The following SLC44A1 variants were observed in gnomAD, a reference collection of about 807,000 sequenced individuals.
SLC44A1 encodes solute carrier family 44 member 1, also known as choline transporter-like protein 1.
A neutral mutation model predicts 79.3 loss-of-function variants in SLC44A1; 26 were observed. The observed-to-expected ratio is 0.33, with a 90% CI of 0.24 to 0.46. SLC44A1 has a LOEUF of 0.46. Among genes scored for constraint, SLC44A1 ranks in the 20% least tolerant of loss-of-function variants. SLC44A1 has a pLI of 1.00. For synonymous variants in SLC44A1, 263 were observed against 286.2 expected (o/e 0.92, Z 0.82); for missense variants, 688 against 798.1 (o/e 0.86, Z 1.66).
intron 12 of SLC44A1, among the ~76,000 whole-genome samples, chr9:105,371,291 G>T (rs1439657014): frequency 6.6e-6 from 1 of 152,190 alleles, no homozygotes; most frequent in South Asian, 2.1e-4. Context: ...CTCTGTGAGG[G>T]ACCAGAGAGT....
At chr9:105,373,432 A>G (rs1296494006) in intron 12 of SLC44A1, among the ~76,000 whole-genome samples, 1 of 152,224 alleles carries the variant, frequency 6.6e-6, no homozygotes, top group African/African-American at 2.4e-5. Flanking sequence ...AAAAAAAATC[A>G]GTCTGTGACT....
At chr9:105,354,039 CTTTTTTTTTTTTTTT>C (rs556502972) in intron 5 of SLC44A1, among the ~76,000 whole-genome samples, 7 of 98,484 alleles carry the variant, frequency 7.1e-5, no homozygotes, top group African/African-American at 1.0e-4. Context: ...ACAGTTAATC[CTTTTTTTTTTTTTTT>C]TTTTTTTTTT....
At chr9:105,418,319 A>G (rs973931315) in intron 15 of SLC44A1, among the ~76,000 whole-genome samples, 4 of 149,744 alleles carry the variant, frequency 2.7e-5, no homozygotes, top group Admixed American at 1.3e-4. Flanking sequence ...CGTCTCAAAA[A>G]AAAAAAAAAA....
At chr9:105,332,502 A>C (rs575782451) in intron 3 of SLC44A1, among the ~76,000 whole-genome samples, 9 of 152,334 alleles carry the variant, frequency 5.9e-5, no homozygotes, top group Non-Finnish European at 1.3e-4. Context: ...TATTTCTTGA[A>C]GATGTGTATT....
Position 105,393,684 on chromosome 9 carries a change from T to C in SLC44A1, c.*4628T>C. On this transcript the variant is annotated 3_prime_UTR_variant, in exon 16 of 16. Transcript: ENST00000374720. ...ATGTAAAGACAAATGATGATTCAGT[T>C]TCAATATTGCATGAACAATTGCCAC... is the stretch of plus-strand genomic sequence containing the variant. The C allele has an allele frequency of 2.0e-6, 2 of 984,654 alleles. No homozygotes were observed. Among genetic ancestry groups the C allele is most frequent in the Non-Finnish European group, 2.4e-6 (2 of 829,214 alleles). The allele number at this position is 984,654 out of a possible 1,614,324, so 61.0% of individuals were successfully genotyped here. A position where few individuals can be genotyped will look rare whatever the true frequency, so the allele number is the denominator to read the frequency against.
At chr9:105,373,348 GATGTT>G (rs895224475) in intron 12 of SLC44A1, among the ~76,000 whole-genome samples, 2 of 152,078 alleles carry the variant, frequency 1.3e-5, no homozygotes, top group African/African-American at 4.8e-5. Flanking sequence ...AAACATATTT[GATGTT>G]ATAATACTTT....
chr9:105,298,992 C>G (rs1771910125), intron 1 of SLC44A1, among the ~76,000 whole-genome samples: 1 of 152,102 alleles, frequency 6.6e-6, no homozygotes, highest in Non-Finnish European at 1.5e-5. Context: ...GAACTCAGTA[C>G]CGGGCCTGGC....
intron 1 of SLC44A1, among the ~76,000 whole-genome samples, chr9:105,277,698 A>G (rs1363179441): frequency 6.6e-6 from 1 of 152,250 alleles, no homozygotes; most frequent in East Asian, 1.9e-4. Context: ...CGGACCAACT[A>G]AAACTGAGGA....
chr9:105,252,801 A>G (rs779841013), intron 1 of SLC44A1, among the ~76,000 whole-genome samples: 11 of 152,228 alleles, frequency 7.2e-5, no homozygotes, highest in Non-Finnish European at 1.5e-4. Flanking sequence ...TGACACAGTA[A>G]TATTTCCTCC....
chr9:105,290,319 TATC>T (rs1830574502), intron 1 of SLC44A1, among the ~76,000 whole-genome samples: 2 of 152,170 alleles, frequency 1.3e-5, no homozygotes, highest in African/African-American at 4.8e-5. Flanking sequence ...CTGTCCTTGG[TATC>T]ATCAAGTACT....
In SLC44A1 at chr9:105,266,038, G is replaced by A. The variant is rs183503027; in HGVS notation, c.36+21134G>A. The stretch of plus-strand genomic sequence containing the variant: ...AGTGGTGCAATCATAACTCACTGCA[G>A]CCTCAAACTCCTGGGCTCAAACAGT... On this transcript the variant is annotated intron_variant, in intron 1 of 15. Coordinates refer to ENST00000374720, the MANE Select transcript of SLC44A1 (RefSeq NM_080546.5). Among the ~76,000 whole-genome samples the A allele has an allele frequency of 5.7e-4, 87 of 152,180 alleles. No homozygotes were observed. In the East Asian group the frequency reaches 0.015, roughly 26 times the overall value.
chr9:105,426,285 A>G (rs1021680526), intron 15 of SLC44A1, among the ~76,000 whole-genome samples: 4 of 152,200 alleles, frequency 2.6e-5, no homozygotes, highest in African/African-American at 7.2e-5. Flanking sequence ...TACTCAGTGC[A>G]CTGCATTATT....
chr9:105,288,576 T>G (rs897586143), intron 1 of SLC44A1, among the ~76,000 whole-genome samples: 8 of 152,188 alleles, frequency 5.3e-5, no homozygotes, highest in Non-Finnish European at 1.5e-5. Flanking sequence ...ACTAAACCCC[T>G]GGGATTAAGC....
chr9:105,253,650 C>T (rs560879320), intron 1 of SLC44A1, among the ~76,000 whole-genome samples: 1 of 152,144 alleles, frequency 6.6e-6, no homozygotes, highest in Non-Finnish European at 1.5e-5. Context: ...AGGAAGATCT[C>T]TTGAGTCTGG....
chr9:105,246,565 A>C lies in SLC44A1; in HGVS notation c.36+1661A>C, dbSNP rs75238514. ...TCATATTAACATATAAAGGTGTAGA[A>C]TTGCACATAACTTTCAACTGGTTAG... On this transcript the variant is annotated intron_variant, in intron 1 of 15. Transcript: ENST00000374720. Among the ~76,000 whole-genome samples the C allele has an allele frequency of 5.0e-3, 760 of 152,258 alleles. 10 individuals are homozygous for C. Among genetic ancestry groups the C allele is most frequent in the African/African-American group, 0.018 (732 of 41,542 alleles).
chr9:105,286,827 A>G (rs768063446), intron 1 of SLC44A1, among the ~76,000 whole-genome samples: 1 of 152,132 alleles, frequency 6.6e-6, no homozygotes, highest in Non-Finnish European at 1.5e-5. Context: ...AGCCAGGTAT[A>G]GCAGTGCATG....
intron 1 of SLC44A1, among the ~76,000 whole-genome samples, chr9:105,297,750 T>G (rs1187343019): frequency 6.6e-6 from 1 of 152,186 alleles, no homozygotes; most frequent in Non-Finnish European, 1.5e-5. Flanking sequence ...AGTTCAACAC[T>G]ATGGTTTTAG....
At chr9:105,381,189 AT>A (rs1331954543) in intron 13 of SLC44A1, among the ~76,000 whole-genome samples, 1 of 152,112 alleles carries the variant, frequency 6.6e-6, no homozygotes, top group Non-Finnish European at 1.5e-5. Context: ...AATGTGCAAG[AT>A]TTGGAGAGTA....
At chr9:105,385,562 C>T (rs1017447924) in intron 15 of SLC44A1, 60 bp downstream of exon 15, 10 of 1,548,862 alleles carry the variant, frequency 6.5e-6, no homozygotes, top group South Asian at 1.2e-5. Context: ...TCCTCTCTCT[C>T]TCTGTCTTCA....
Sources: allele counts gnomAD v4.1 joint callset (sites outside exome capture counted in the v4.1 genomes callset), GRCh38; gene constraint gnomAD v4.1.1; transcripts MANE v1.5; gene names NCBI Gene and HGNC (gene_info 2026-07-23, HGNC 2026-07-21).